TEX29: variants seen among roughly 807,000 people sequenced by gnomAD.
The protein encoded by TEX29 is testis-expressed protein 29.
In TEX29, 26 loss-of-function variants were observed where a neutral mutation model predicts 18.2. The observed-to-expected ratio is 1.43, with a 90% CI of 1.04 to 1.98. The LOEUF (loss-of-function observed/expected upper bound fraction) is 1.98. Among genes scored for constraint, TEX29 ranks in the 30% most tolerant of loss-of-function variants. TEX29 has a pLI of 0.00. For synonymous variants in TEX29, 83 were observed against 78.5 expected (o/e 1.06, Z -0.31); for missense variants, 177 against 194.2 (o/e 0.91, Z 0.53).
chr13:111,321,007 C>A, intron 2 of TEX29, 59 bp downstream of exon 2: 1 of 1,447,924 alleles, frequency 6.9e-7, no homozygotes, highest in South Asian at 1.3e-5. Context: ...GGGGGGGGCA[C>A]AGGGAGGAGC....
At chr13:111,328,402 A>G in intron 3 of TEX29, 109 bp downstream of exon 3, 1 of 740,718 alleles carries the variant, frequency 1.4e-6, no homozygotes, top group South Asian at 1.5e-5. Flanking sequence ...TGCTGGAAAC[A>G]CCTTTGTATT....
chr13:111,333,193 G>A (rs1385536997), intron 3 of TEX29, among the ~76,000 whole-genome samples: 1 of 152,172 alleles, frequency 6.6e-6, no homozygotes, highest in African/African-American at 2.4e-5. Flanking sequence ...AGGTGTCTGG[G>A]TGTGGATCTC....
chr13:111,339,543 A>G (rs1232785458), intron 3 of TEX29: 4 of 466,798 alleles, frequency 8.6e-6, no homozygotes, highest in Non-Finnish European at 1.6e-5. Context: ...CTTTCCATGC[A>G]CTCCCGGGGG....
Position 111,324,817 on chromosome 13 carries a change from C to G in TEX29, c.59-3366C>G, listed in dbSNP as rs905388279. ...ATGCCCCTCCTGAACCTTTCCTCTC[C>G]TGCTGCAGAAGCAGCAAAATGCAGA... On this transcript the variant is annotated intron_variant, in intron 2 of 5. Transcript: ENST00000283547. Among the ~76,000 whole-genome samples the G allele has an allele frequency of 5.9e-5, 9 of 152,340 alleles. No individual in the cohort carries two copies. In the East Asian group the frequency reaches 1.5e-3, roughly 26 times the overall value.
chr13:111,326,071 CTG>C (rs1339172081), intron 2 of TEX29, among the ~76,000 whole-genome samples: 3 of 152,238 alleles, frequency 2.0e-5, no homozygotes, highest in African/African-American at 7.2e-5. Context: ...CCAGAGGTCT[CTG>C]TGGATCCCGG....
chr13:111,330,569 G>C (rs1055381231), intron 3 of TEX29, among the ~76,000 whole-genome samples: 1 of 152,162 alleles, frequency 6.6e-6, no homozygotes, highest in Non-Finnish European at 1.5e-5. Context: ...AATTGCTTCA[G>C]CTATTATTTT....
At chr13:111,325,050 G>C (rs1017949676) in intron 2 of TEX29, among the ~76,000 whole-genome samples, 2 of 152,276 alleles carry the variant, frequency 1.3e-5, no homozygotes, top group Middle Eastern at 3.4e-3. Context: ...CATGGGATGA[G>C]CTTTGAAACC....
intron 2 of TEX29, among the ~76,000 whole-genome samples, chr13:111,321,630 AAAAAC>A (rs1390521389): frequency 1.3e-5 from 2 of 152,086 alleles, no homozygotes; most frequent in Admixed American, 1.3e-4. Flanking sequence ...AAAAACAAAA[AAAAAC>A]CCAAGAAAAT....
At position 111,324,462 on chromosome 13, in the gene TEX29, A is replaced by G. The variant is rs79739255; in HGVS notation, c.58+3514A>G. On this transcript the variant is annotated intron_variant, in intron 2 of 5. Coordinates refer to ENST00000283547, the MANE Select transcript of TEX29 (RefSeq NM_152324.3). ...CCAGCTGCTTCTCCAGGAGGCGACC[A>G]TGGTCTGTCCCCTGCTAATTGACTG... 7.8e-3 allele frequency among the ~76,000 whole-genome samples: 1,182 copies of G among 152,290 alleles called. 14 individuals carry two copies. Among genetic ancestry groups the G allele is most frequent in the African/African-American group, 0.027 (1,136 of 41,562 alleles).
intron 2 of TEX29, among the ~76,000 whole-genome samples, chr13:111,327,546 C>T (rs981462737): frequency 6.6e-6 from 1 of 152,184 alleles, no homozygotes; most frequent in Non-Finnish European, 1.5e-5. Context: ...CATCATCCAG[C>T]CCAGTCCCTC....
In TEX29 at chr13:111,328,185, T is replaced by C. The variant is rs1246879900; in HGVS notation, c.61T>C (p.Cys21Arg). ...TGTGTATGTCTGTGCTTTTGCAGTG[T>C]GTGACGTTCCTCTGTATGACATTTG... ...PRHLLKQFTV[C>R]DVPLYDICDY... Residue 21 changes from cysteine to arginine, a missense_variant and splice_region_variant, in exon 3 of 6, where the codon TGT becomes CGT. Physicochemically the swap from Cys to Arg is radical, Grantham distance 180. Transcript: ENST00000283547. The C allele has an allele frequency of 3.1e-6, 5 of 1,607,256 alleles. No individual in the cohort carries two copies. Among genetic ancestry groups the C allele is most frequent in the Non-Finnish European group, 2.6e-6 (3 of 1,173,840 alleles).
intron 2 of TEX29, 40 bp downstream of exon 2, chr13:111,320,988 G>GGGGGGGGC: frequency 7.0e-6 from 3 of 431,432 alleles, no homozygotes; most frequent in Non-Finnish European, 8.6e-6. Context: ...TGGGGTGGGG[G>GGGGGGGGC]AGCAGTTGGG....
At chr13:111,334,823 A>G (rs2093687362) in intron 3 of TEX29, among the ~76,000 whole-genome samples, 1 of 152,254 alleles carries the variant, frequency 6.6e-6, no homozygotes, top group South Asian at 2.1e-4. Flanking sequence ...GACAGATCAA[A>G]TAATGACAAC....
intron 4 of TEX29, 24 bp from the exon 5 acceptor site, chr13:111,342,730 CTG>C (rs779405527): frequency 2.5e-6 from 4 of 1,605,064 alleles, no homozygotes; most frequent in Non-Finnish European, 3.4e-6. Flanking sequence ...ACTTCCCTGA[CTG>C]TGATAAAACC....
In TEX29 at chr13:111,344,150, GTCAGAATTA is replaced by G; in HGVS notation, c.*30_*38del. 1 of 1,604,378 alleles carries G rather than the reference GTCAGAATTA, an allele frequency of 6.2e-7. No homozygotes were observed. Among genetic ancestry groups the G allele is most frequent in the South Asian group, 1.1e-5 (1 of 90,702 alleles). On this transcript the variant is annotated 3_prime_UTR_variant, in exon 6 of 6. Transcript: ENST00000283547. ...TGAGACGCATGAAGAAGTGGAGATT[GTCAGAATTA>G]TCCAAATGAAATGGTACAGCAGGTG...
upstream of TEX29, among the ~76,000 whole-genome samples, chr13:111,317,836 C>T (rs1407125042): frequency 6.6e-6 from 1 of 152,182 alleles, no homozygotes; most frequent in African/African-American, 2.4e-5. Context: ...GCTCCTTCTT[C>T]ACCTCTGTTG....
chr13:111,334,485 C>G (rs918159119), intron 3 of TEX29, among the ~76,000 whole-genome samples: 1 of 152,248 alleles, frequency 6.6e-6, no homozygotes, highest in African/African-American at 2.4e-5. Flanking sequence ...CCTGCTTATG[C>G]AGATCCTTAA....
chr13:111,331,950 T>C (rs1203529610), intron 3 of TEX29, among the ~76,000 whole-genome samples: 1 of 152,214 alleles, frequency 6.6e-6, no homozygotes, highest in Non-Finnish European at 1.5e-5. Flanking sequence ...TTGATTACTG[T>C]AGCTTTGCAG....
intron 4 of TEX29, 131 bp downstream of exon 4, chr13:111,340,063 C>A (rs1228411468): frequency 2.5e-6 from 2 of 801,010 alleles, no homozygotes; most frequent in Non-Finnish European, 2.1e-6. Context: ...TCTCCGTGAG[C>A]CTGGGAAAGG....
Sources: gnomAD v4.1 joint callset for allele counts (sites outside exome capture counted in the v4.1 genomes callset) on GRCh38, gnomAD v4.1.1 for gene constraint, MANE v1.5 for transcripts, NCBI Gene and HGNC (gene_info 2026-07-23, HGNC 2026-07-21) for gene names.